GLDC: variants seen among roughly 807,000 people sequenced by gnomAD.
GLDC encodes glycine decarboxylase.
A neutral mutation model predicts 121.3 loss-of-function variants in GLDC; 104 were observed. The ratio of observed to expected loss-of-function variants is 0.86; its 90% CI spans 0.73 to 1.01. GLDC has a LOEUF of 1.01. GLDC is among the 50% of genes least tolerant of loss of function. The pLI is 0.00. For synonymous variants in GLDC, 546 were observed against 480.6 expected (o/e 1.14, Z -1.78); for missense variants, 1,429 against 1,306.6 (o/e 1.09, Z -1.44).
chr9:6,612,047 T>G (rs1046935931), intron 3 of GLDC, among the ~76,000 whole-genome samples: 23 of 152,068 alleles, frequency 1.5e-4, no homozygotes, highest in Admixed American at 3.9e-4. Context: ...CAGATTTCCC[T>G]TTCTATTTGC....
At chr9:6,608,688 G>C (rs1563858940) in intron 4 of GLDC, among the ~76,000 whole-genome samples, 1 of 152,138 alleles carries the variant, frequency 6.6e-6, no homozygotes, top group Admixed American at 6.5e-5. Context: ...GGAGCTTGCA[G>C]TGAGCAGAGA....
intron 16 of GLDC, among the ~76,000 whole-genome samples, chr9:6,560,130 G>A (rs1451917656): frequency 1.3e-5 from 2 of 152,156 alleles, no homozygotes; most frequent in African/African-American, 2.4e-5. Context: ...TAGAACTGAC[G>A]ATGTGTCCCA....
intron 3 of GLDC, among the ~76,000 whole-genome samples, chr9:6,617,562 G>A (rs1818990072): frequency 1.3e-5 from 2 of 152,296 alleles, no homozygotes; most frequent in South Asian, 2.1e-4. Flanking sequence ...TGAAAAAGAA[G>A]CCTTCATCAA....
At chr9:6,589,327 C>A (rs1818331868) in intron 11 of GLDC, 35 bp from the exon 12 acceptor site, 1 of 1,339,486 alleles carries the variant, frequency 7.5e-7, no homozygotes, top group African/African-American at 1.4e-5. Flanking sequence ...AGGGCCAGAA[C>A]TGTGCCTGGA....
chr9:6,611,586 A>G (rs1818859000), intron 3 of GLDC, among the ~76,000 whole-genome samples: 1 of 152,092 alleles, frequency 6.6e-6, no homozygotes, highest in Admixed American at 6.6e-5. Context: ...TACATCATGA[A>G]CATCTCCCAC....
In GLDC at chr9:6,606,599, G is replaced by A. The variant is rs386833585; in HGVS notation, c.706C>T (p.Arg236Ter). ...HPQTIAVVQTRAKYTGVLTEL... is the reference protein window; with the variant it reads ...HPQTIAVVQT ...ACGAATCAAATTAATTACTTGGCTC[G>A]AGTCTGGACAACAGCTATTGTCTGT... The change falls in exon 5 of 25, where the codon CGA (arginine) becomes TGA (stop). Residue 236 changes from arginine to a stop codon, truncating the protein, a stop_gained. Coordinates refer to ENST00000321612, the MANE Select transcript of GLDC (RefSeq NM_000170.3). LOFTEE classifies it high-confidence loss of function. 5 of 1,579,722 alleles carry A rather than the reference G, an allele frequency of 3.2e-6. No homozygotes were observed. The highest frequency in any genetic ancestry group is 4.4e-6 in the Non-Finnish European group (5 of 1,148,992).
At chr9:6,574,255 G>A (rs1247093039) in intron 15 of GLDC, among the ~76,000 whole-genome samples, 1 of 152,048 alleles carries the variant, frequency 6.6e-6, no homozygotes, top group African/African-American at 2.4e-5. Context: ...ATCACCTGAG[G>A]TCAGGAGTTC....
In GLDC at chr9:6,639,189, G is replaced by C. The variant is rs550449574; in HGVS notation, c.334+5425C>G. ...AGCTCCTGCCCCTCCTAAAGCCGAA[G>C]CCAAAGAGAATGCTTTAAAGGCCAA... On this transcript the variant is annotated intron_variant, in intron 2 of 24. Coordinates refer to ENST00000321612, the MANE Select transcript of GLDC (RefSeq NM_000170.3). 2.0e-5 allele frequency: 17 copies of C among 842,686 alleles called. No homozygotes were observed. In the South Asian group the frequency reaches 2.3e-4, roughly 11 times the overall value. The allele number at this position is 842,686 out of a possible 1,614,324, so 52.2% of individuals were successfully genotyped here.
In GLDC at chr9:6,554,674, G is replaced by A. The variant is rs765661419; in HGVS notation, c.2310C>T (p.Ile770=). ...ACCAGCAGCCCAGAACTTACACTCC[G>A]ATGGGCCCCATGCCAGGACCACCTC... ...HGGGGPGMGP[I]GVKKHLAPFL... is the part of the protein sequence containing the mutation. The change falls in exon 19 of 25, where the codon ATC becomes ATT. Residue 770 remains isoleucine, a synonymous_variant. Coordinates refer to ENST00000321612, the MANE Select transcript of GLDC (RefSeq NM_000170.3). The A allele has an allele frequency of 5.6e-6, 9 of 1,607,494 alleles. No individual in the cohort carries two copies. Among genetic ancestry groups the A allele is most frequent in the Admixed American group, 1.7e-5 (1 of 59,918 alleles).
chr9:6,556,134 G>A lies in GLDC; in HGVS notation c.2202+19C>T, dbSNP rs187370615. On this transcript the variant is annotated intron_variant, in intron 18 of 24. Transcript: ENST00000321612. ...CATTTTCTCAGTGGGAACTAAGGGC[G>A]GGCCTCTTCAGTTCCCACCTGAGCA... 1,132 of 1,602,624 alleles carry A rather than the reference G, an allele frequency of 7.1e-4. 7 individuals are homozygous for A. In the East Asian group the frequency reaches 0.012, roughly 17 times the overall value.
At chr9:6,624,291 G>A (rs762346288) in intron 2 of GLDC, among the ~76,000 whole-genome samples, 1 of 152,198 alleles carries the variant, frequency 6.6e-6, no homozygotes, top group Non-Finnish European at 1.5e-5. Flanking sequence ...GGTCTCCACT[G>A]ATGTAACCAA....
rs117102680 is a variant in GLDC, at chr9:6,617,202, G to C, written c.470+2982C>G. ...TGCACAGCCCTCCCTATCAGCGCTG[G>C]TGGGGTGTAATATCACTCTCTGGTT... On this transcript the variant is annotated intron_variant, in intron 3 of 24. Transcript: ENST00000321612. Among the ~76,000 whole-genome samples the C allele has an allele frequency of 1.2e-3, 184 of 152,284 alleles. 4 individuals carry two copies. In the East Asian group the frequency reaches 0.035, roughly 29 times the overall value.
intron 2 of GLDC, among the ~76,000 whole-genome samples, chr9:6,631,978 G>A (rs537048541): frequency 2.0e-5 from 3 of 152,254 alleles, no homozygotes; most frequent in East Asian, 1.9e-4. Flanking sequence ...AGTAGTGGGA[G>A]GATCTGTTTG....
intron 3 of GLDC, among the ~76,000 whole-genome samples, chr9:6,612,828 C>G (rs1191304386): frequency 1.3e-5 from 2 of 152,134 alleles, no homozygotes; most frequent in African/African-American, 4.8e-5. Context: ...TGCCACTGCA[C>G]TCCAGCCTGG....
chr9:6,599,099 G>A (rs912197274), intron 8 of GLDC, among the ~76,000 whole-genome samples: 1 of 151,482 alleles, frequency 6.6e-6, no homozygotes, highest in Non-Finnish European at 1.5e-5. Flanking sequence ...CAGGAGTATC[G>A]CTTGAACCCG....
In GLDC at chr9:6,532,817, C is replaced by A. The variant is rs1281633590; in HGVS notation, c.*200G>T. 6.8e-6 allele frequency: 4 copies of A among 589,410 alleles called. No homozygotes were observed. Among genetic ancestry groups the A allele is most frequent in the Non-Finnish European group, 1.2e-5 (4 of 327,980 alleles). 36.5% of individuals were successfully genotyped at this position (589,410 alleles called of 1,614,324 possible). A position where few individuals can be genotyped will look rare whatever the true frequency, so the allele number is the denominator to read the frequency against. Reference sequence around the variant, plus strand: ...ACTGGCACATGTGGAAGCAGAATACCAAAGCAAATCCGTCTTCCAACCATC... The same window carrying A: ...ACTGGCACATGTGGAAGCAGAATACAAAAGCAAATCCGTCTTCCAACCATC... On this transcript the variant is annotated 3_prime_UTR_variant, in exon 25 of 25. Coordinates refer to ENST00000321612, the MANE Select transcript of GLDC (RefSeq NM_000170.3).
intron 16 of GLDC, among the ~76,000 whole-genome samples, chr9:6,563,845 A>T (rs1587930563): frequency 6.6e-6 from 1 of 152,032 alleles, no homozygotes; most frequent in Admixed American, 6.6e-5. Context: ...TTTAGACATG[A>T]ATTCTAGGGC....
chr9:6,639,762 C>A (rs1469145308), intron 2 of GLDC, among the ~76,000 whole-genome samples: 2 of 150,014 alleles, frequency 1.3e-5, no homozygotes, highest in African/African-American at 4.9e-5. Flanking sequence ...AAAAATAGAA[C>A]TTTCACCCAC....
chr9:6,620,085 G>C, intron 3 of GLDC, 99 bp downstream of exon 3: 1 of 1,140,376 alleles, frequency 8.8e-7, no homozygotes, highest in South Asian at 1.2e-5. Context: ...GGAGGTGGGT[G>C]TCAGTGTGGA....
Sources: gnomAD v4.1 joint callset for allele counts (sites outside exome capture counted in the v4.1 genomes callset) on GRCh38, gnomAD v4.1.1 for gene constraint, MANE v1.5 for transcripts, NCBI Gene and HGNC (gene_info 2026-07-23, HGNC 2026-07-21) for gene names.